SCAMP1: variants seen among roughly 807,000 people sequenced by gnomAD.
SCAMP1 encodes the protein secretory carrier-associated membrane protein 1.
In SCAMP1, 15 loss-of-function variants were observed where a neutral mutation model predicts 41.8. That is an observed-to-expected ratio of 0.36 (90% confidence interval 0.24 to 0.55). The LOEUF is 0.55. Among genes scored for constraint, SCAMP1 ranks in the 20% least tolerant of loss-of-function variants. SCAMP1 has a pLI of 0.86. For synonymous variants in SCAMP1, 135 were observed against 136.8 expected, an observed-to-expected ratio of 0.99 and a Z score of 0.09; for missense variants, 341 against 412.6, an observed-to-expected ratio of 0.83 and a Z score of 1.50.
chr5:78,469,996 G>T (rs1449378750), intron 8 of SCAMP1, among the ~76,000 whole-genome samples: 2 of 145,810 alleles, frequency 1.4e-5, no homozygotes, highest in African/African-American at 5.1e-5. Context: ...AGACTGAGGT[G>T]GGAGGATCAC....
intron 1 of SCAMP1, among the ~76,000 whole-genome samples, chr5:78,382,997 G>A (rs1751249069): frequency 1.3e-5 from 2 of 152,056 alleles, no homozygotes; most frequent in Admixed American, 6.5e-5. Flanking sequence ...TGGTAGATCT[G>A]CTTTTAGTTC....
chr5:78,399,035 C>G (rs1751734437), intron 2 of SCAMP1, among the ~76,000 whole-genome samples: 1 of 152,164 alleles, frequency 6.6e-6, no homozygotes, highest in Admixed American at 6.5e-5. Context: ...ATAGTTTTGC[C>G]TTTTCTACAG....
intron 6 of SCAMP1, among the ~76,000 whole-genome samples, chr5:78,437,475 T>C (rs1752788465): frequency 6.6e-6 from 1 of 152,232 alleles, no homozygotes; most frequent in Non-Finnish European, 1.5e-5. Context: ...GATAATCATG[T>C]GGTTTTTGTC....
intron 7 of SCAMP1, among the ~76,000 whole-genome samples, chr5:78,457,469 T>TG (rs922366734): frequency 4.6e-5 from 7 of 152,084 alleles, no homozygotes; most frequent in African/African-American, 1.2e-4. Flanking sequence ...GTGCCCCTGC[T>TG]GGGGGGTGCC....
intron 1 of SCAMP1, among the ~76,000 whole-genome samples, chr5:78,362,110 G>A (rs1383969222): frequency 6.6e-6 from 1 of 150,538 alleles, no homozygotes; most frequent in Admixed American, 6.6e-5. Flanking sequence ...TGGCAGTTTT[G>A]TTTCAATTAG....
chr5:78,392,709 G>T lies in SCAMP1; in HGVS notation c.135+3795G>T, dbSNP rs922781361. 8.2e-4 allele frequency among the ~76,000 whole-genome samples: 124 copies of T among 152,114 alleles called. 2 individuals carry two copies. The highest frequency in any genetic ancestry group is 2.9e-3 in the African/African-American group (121 of 41,418). On this transcript the variant is annotated intron_variant, in intron 2 of 8. Transcript: ENST00000621999. ...AACCAGGAAAATTCTTATGATAATT[G>T]GGTGCATTTTCCTCTGCACTGTTAA...
In SCAMP1 at chr5:78,388,854, A is replaced by G; in HGVS notation, c.75A>G (p.Gln25=). Residue 25 remains glutamine (Q), a synonymous_variant, in exon 2 of 9, where the codon CAA becomes CAG. Coordinates refer to ENST00000621999, the MANE Select transcript of SCAMP1 (RefSeq NM_004866.6). ...TATTCTAGGATCCATCAGTTACACA[A>G]GTGACAAGAAATGTTCCACCAGGAC... The part of the protein sequence containing the change: ...NNPFKDPSVT[Q]VTRNVPPGLD... 1.9e-6 allele frequency: 3 copies of G among 1,546,630 alleles called. No individual in the cohort carries two copies. Among genetic ancestry groups the G allele is most frequent in the Non-Finnish European group, 2.7e-6 (3 of 1,124,186 alleles).
intron 7 of SCAMP1, among the ~76,000 whole-genome samples, chr5:78,452,128 A>G (rs1753250007): frequency 6.6e-6 from 1 of 152,070 alleles, no homozygotes; most frequent in Non-Finnish European, 1.5e-5. Context: ...CTCTGGGATA[A>G]ATGCCCAAGA....
chr5:78,444,081 C>T (rs1397926514), intron 6 of SCAMP1, among the ~76,000 whole-genome samples: 1 of 152,134 alleles, frequency 6.6e-6, no homozygotes, highest in Non-Finnish European at 1.5e-5. Flanking sequence ...TGCTGCCTTT[C>T]AAGCCTACTA....
At chr5:78,460,770 T>A (rs576210828) in intron 8 of SCAMP1, among the ~76,000 whole-genome samples, 1 of 36,900 alleles carries the variant, frequency 2.7e-5, no homozygotes, top group Non-Finnish European at 5.3e-5. Context: ...CCTTCCTTCC[T>A]TCCTTCCTTC....
chr5:78,363,062 C>G (rs1394830000), intron 1 of SCAMP1, among the ~76,000 whole-genome samples: 1 of 147,502 alleles, frequency 6.8e-6, no homozygotes, highest in Admixed American at 6.7e-5. Context: ...CCGGCTAATT[C>G]TTTGTATTTT....
chr5:78,427,434 C>A (rs1752495114), intron 6 of SCAMP1, among the ~76,000 whole-genome samples: 1 of 152,070 alleles, frequency 6.6e-6, no homozygotes, highest in Non-Finnish European at 1.5e-5. Flanking sequence ...AATCAGATTT[C>A]AGTGTGAGGT....
At chr5:78,465,059 A>G (rs1753711190) in intron 8 of SCAMP1, among the ~76,000 whole-genome samples, 1 of 152,088 alleles carries the variant, frequency 6.6e-6, no homozygotes, top group South Asian at 2.1e-4. Context: ...TTCTTTCAAG[A>G]CCCAGCTCCG....
In SCAMP1 at chr5:78,469,917, A is replaced by AC. The variant is rs1753839463; in HGVS notation, c.853-5587_853-5586insC. Among the ~76,000 whole-genome samples the AC allele has an allele frequency of 1.1e-4, 3 of 26,352 alleles. 1 individual carries two copies. The highest frequency in any genetic ancestry group is 2.3e-4 in the Non-Finnish European group (3 of 13,308). The allele number at this position is 26,352 out of a possible 152,430, so 17.3% of individuals were successfully genotyped here. A position where few individuals can be genotyped will look rare whatever the true frequency, so the allele number is the denominator to read the frequency against. On this transcript the variant is annotated intron_variant, in intron 8 of 8. Coordinates refer to ENST00000621999, the MANE Select transcript of SCAMP1 (RefSeq NM_004866.6). The stretch of plus-strand genomic sequence containing the variant: ...AAAAAAAAAAAAAAAAAAAAACAAA[A>AC]AAAAAAAAAAAAAAACAACAACACA...
intron 6 of SCAMP1, among the ~76,000 whole-genome samples, chr5:78,427,375 A>G (rs1442806530): frequency 6.6e-6 from 1 of 152,152 alleles, no homozygotes; most frequent in Non-Finnish European, 1.5e-5. Flanking sequence ...CATGAGTGAT[A>G]CCCTCATAAC....
intron 6 of SCAMP1, among the ~76,000 whole-genome samples, chr5:78,424,809 A>G (rs909309762): frequency 1.3e-5 from 2 of 152,236 alleles, no homozygotes; most frequent in Non-Finnish European, 2.9e-5. Flanking sequence ...CAAATACATC[A>G]AAATATTAGG....
At chr5:78,407,822 T>C (rs1268892422) in intron 2 of SCAMP1, among the ~76,000 whole-genome samples, 1 of 152,186 alleles carries the variant, frequency 6.6e-6, no homozygotes, top group Non-Finnish European at 1.5e-5. Context: ...TAAAAGTCAT[T>C]ATTATAGTTT....
intron 2 of SCAMP1, among the ~76,000 whole-genome samples, chr5:78,404,136 G>T (rs1322900124): frequency 1.4e-5 from 2 of 145,194 alleles, no homozygotes; most frequent in South Asian, 4.3e-4. Context: ...AAAAAAAAGG[G>T]TTTTAAACTT....
At chr5:78,427,451 G>C (rs555757448) in intron 6 of SCAMP1, among the ~76,000 whole-genome samples, 29 of 152,132 alleles carry the variant, frequency 1.9e-4, no homozygotes, top group African/African-American at 6.7e-4. Flanking sequence ...AGGTTTGGGG[G>C]ATCAAAAATC....
Sources: gnomAD v4.1 joint callset for allele counts (sites outside exome capture counted in the v4.1 genomes callset) on GRCh38, gnomAD v4.1.1 for gene constraint, MANE v1.5 for transcripts, NCBI Gene and HGNC (gene_info 2026-07-23, HGNC 2026-07-21) for gene names.